Variants in MYO7B observed in about 807,000 individuals in gnomAD.
The protein encoded by MYO7B is unconventional myosin-VIIb.
MYO7B carries 212 observed loss-of-function variants against 259.7 expected under a neutral mutation model. The ratio of observed to expected loss-of-function variants is 0.82; its 90% CI spans 0.73 to 0.91. The LOEUF (loss-of-function observed/expected upper bound fraction) is 0.91. MYO7B is among the 40% of genes least tolerant of loss of function. MYO7B has a pLI of 0.00. For missense variants in MYO7B, 2,732 were observed against 2,813.5 expected (o/e 0.97, Z 0.66); for synonymous variants, 1,197 against 1,166.4 (o/e 1.03, Z -0.54).
rs190699169 is a variant in MYO7B, at chr2:127,632,260, G to A, written c.5264G>A (p.Arg1755Gln). The change falls in exon 39 of 48, where the codon CGG becomes CAG. Residue 1755 changes from arginine (R) to glutamine (Q), a missense_variant. Coordinates refer to ENST00000409816, the MANE Select transcript of MYO7B (RefSeq NM_001393586.1). ...CTACCCTTCAGGCACAGCGAAGAGC[G>A]GGGCTGGCAGCTGCTGTGGCTGTGC... ...THNSNRHSEE[R>Q]GWQLLWLCTG... The A allele has an allele frequency of 6.4e-3, 10,296 of 1,611,878 alleles. 47 individuals are homozygous for A. The highest frequency in any genetic ancestry group is 7.6e-3 in the Non-Finnish European group (9,010 of 1,179,518).
chr2:127,634,676 G>C lies in MYO7B; in HGVS notation c.5706G>C (p.Gln1902His). Residue 1902 changes from glutamine (Q) to histidine (H), a missense_variant, in exon 42 of 48, where the codon CAG becomes CAC. Gln to His is a conservative substitution (Grantham distance 24). Around this residue, in one of 3 missense-constraint regions of MYO7B, gnomAD observed 821 missense variants for 769.3 expected, o/e 1.07. Coordinates refer to ENST00000409816, the MANE Select transcript of MYO7B (RefSeq NM_001393586.1). The stretch of plus-strand genomic sequence containing the variant: ...ACTGGGTGAAGAAGAACAAGCCCCA[G>C]AAAGAAGGTGAGGAGGCCTCTGTGG... ...VSDWVKKNKP[Q>H]KEGAPVTLPY... 8 of 1,609,650 alleles carry C rather than the reference G, an allele frequency of 5.0e-6. No individual in the cohort carries two copies. The highest frequency in any genetic ancestry group is 6.8e-6 in the Non-Finnish European group (8 of 1,178,522).
intron 1 of MYO7B, among the ~76,000 whole-genome samples, chr2:127,545,789 G>A (rs6707186): frequency 0.12 from 18,369 of 152,246 alleles, 1,696 homozygotes; most frequent in East Asian, 0.24. Flanking sequence ...CCCGGTGAAC[G>A]CCCAGTAAGT....
At chr2:127,612,757 C>G (rs1475280980) in intron 26 of MYO7B, among the ~76,000 whole-genome samples, 154 bp downstream of exon 26, 1 of 152,190 alleles carries the variant, frequency 6.6e-6, no homozygotes, top group South Asian at 2.1e-4. Flanking sequence ...TCATAGCTAC[C>G]GAGGGTTCTC....
At chr2:127,565,893 G>C (rs1306745588) in intron 4 of MYO7B, among the ~76,000 whole-genome samples, 4 of 152,244 alleles carry the variant, frequency 2.6e-5, no homozygotes, top group Non-Finnish European at 5.9e-5. Context: ...TTCCAGGGGA[G>C]GTGGTATTCC....
chr2:127,596,928 C>T (rs1183588941), intron 19 of MYO7B, among the ~76,000 whole-genome samples: 1 of 152,220 alleles, frequency 6.6e-6, no homozygotes, highest in African/African-American at 2.4e-5. Flanking sequence ...GTTCCCTGGT[C>T]AGTAAGAGGG....
In MYO7B at chr2:127,539,866, G is replaced by A. The variant is rs1221506590; in HGVS notation, c.-24+4035G>A. Among the ~76,000 whole-genome samples the A allele has an allele frequency of 1.3e-5, 2 of 152,206 alleles. No individual in the cohort carries two copies. The highest frequency in any genetic ancestry group is 1.3e-4 in the Admixed American group (2 of 15,288). On this transcript the variant is annotated intron_variant, in intron 1 of 47. Transcript: ENST00000409816. This position sits in a 1 kb window ranked among gnomAD's most constrained non-coding sequence, Gnocchi z 4.0. The stretch of plus-strand genomic sequence containing the variant: ...CCCCCGAAAGTCCCCAAAGTCCATT[G>A]TATCGTTCTTACGCCTTTGCAGCCT...
rs982878744 is a variant in MYO7B, at chr2:127,590,350, C to A, written c.1992+121C>A. On this transcript the variant is annotated intron_variant, in intron 16 of 47. Coordinates refer to ENST00000409816, the MANE Select transcript of MYO7B (RefSeq NM_001393586.1). This position sits in a 1 kb window ranked among gnomAD's most constrained non-coding sequence, Gnocchi z 4.6. Reference sequence around the variant, plus strand: ...GCGTTAGAGCTGTTACTGCCCCTACCTTACAGATAAGTACACTGGGGTAAG... The same window carrying A: ...GCGTTAGAGCTGTTACTGCCCCTACATTACAGATAAGTACACTGGGGTAAG... 12 of 1,385,092 alleles carry A rather than the reference C, an allele frequency of 8.7e-6. No homozygotes were observed. The highest frequency in any genetic ancestry group is 2.4e-5 in the East Asian group (1 of 42,088). 85.8% of individuals were successfully genotyped at this position (1,385,092 alleles called of 1,614,324 possible). A position where few individuals can be genotyped will look rare whatever the true frequency, so the allele number is the denominator to read the frequency against.
chr2:127,583,421 A>C (rs1465845733), intron 12 of MYO7B, among the ~76,000 whole-genome samples: 1 of 152,208 alleles, frequency 6.6e-6, no homozygotes, highest in Non-Finnish European at 1.5e-5. Context: ...CAGGGCTGGC[A>C]GAACTTAGCC....
At chr2:127,634,756 G>C (rs148137114) in intron 42 of MYO7B, 73 bp downstream of exon 42, 1 of 1,319,526 alleles carries the variant, frequency 7.6e-7, no homozygotes, top group Non-Finnish European at 1.1e-6. Flanking sequence ...GCCTCTGTGC[G>C]GCCCATGCCC....
intron 15 of MYO7B, 116 bp from the exon 16 acceptor site, chr2:127,589,976 G>C: frequency 8.5e-7 from 1 of 1,183,006 alleles, no homozygotes; most frequent in African/African-American, 1.5e-5. Flanking sequence ...TCTTGAATAG[G>C]TAGATGCACC....
chr2:127,634,232 C>T lies in MYO7B; in HGVS notation c.5568C>T (p.Thr1856=), dbSNP rs374606008. 1.9e-6 allele frequency: 3 copies of T among 1,597,210 alleles called. No individual in the cohort carries two copies. Among genetic ancestry groups the T allele is most frequent in the Non-Finnish European group, 2.6e-6 (3 of 1,175,366 alleles). The change falls in exon 41 of 48, where the codon ACC becomes ACT. Residue 1856 remains threonine (T), a synonymous_variant. Transcript: ENST00000409816. ...RVRDVCDSIA[T]RLQLASWEGC... ...GGGATGTGTGTGACAGCATTGCCACCAGGCTGCAGCTGGCCTCCTGGGAGG... is the reference window on the plus strand; with the variant it reads ...GGGATGTGTGTGACAGCATTGCCACTAGGCTGCAGCTGGCCTCCTGGGAGG...
intron 5 of MYO7B, among the ~76,000 whole-genome samples, chr2:127,569,300 G>A (rs1391974734): frequency 1.3e-5 from 2 of 152,090 alleles, no homozygotes; most frequent in Admixed American, 6.5e-5. Context: ...AAAATTGGCC[G>A]GGAGTTGAAG....
chr2:127,540,970 T>C (rs1217012418), intron 1 of MYO7B, among the ~76,000 whole-genome samples: 1 of 152,202 alleles, frequency 6.6e-6, no homozygotes, highest in Non-Finnish European at 1.5e-5. Context: ...TAGGAAGTTT[T>C]CTCAGGTGCT....
At chr2:127,557,732 G>T (rs1313664765) in intron 1 of MYO7B, among the ~76,000 whole-genome samples, 3 of 152,138 alleles carry the variant, frequency 2.0e-5, no homozygotes, top group African/African-American at 7.2e-5. Flanking sequence ...AAACAAAAAC[G>T]TAAAGTGGGG....
In MYO7B at chr2:127,607,379, C is replaced by T; in HGVS notation, c.2598C>T (p.Ala866=). Residue 866 remains alanine, a synonymous_variant, in exon 21 of 48, where the codon GCC becomes GCT. Transcript: ENST00000409816. The surrounding 1 kb of genome is among the most constrained non-coding windows in gnomAD (Gnocchi z 4.4). Reference sequence around the variant, plus strand: ...CAGTGGTGGTCATTCAGGCCCATGCCAGGGGCATGGCTGCCCGGCGCAACT... The same window carrying T: ...CAGTGGTGGTCATTCAGGCCCATGCTAGGGGCATGGCTGCCCGGCGCAACT... ...RRAVVVIQAH[A]RGMAARRNFQ... 6.4e-7 allele frequency: 1 copy of T among 1,551,386 alleles called. No individual in the cohort carries two copies. The highest frequency in any genetic ancestry group is 8.7e-7 in the Non-Finnish European group (1 of 1,146,864).
rs1681688120 is a variant in MYO7B, at chr2:127,634,487, C to G, written c.5626-109C>G. ...GCCAATAGCCCACGCACAGCCGACT[C>G]CAGCGCAGCACCCAGGCCGTAGGCG... On this transcript the variant is annotated intron_variant, in intron 41 of 47. Transcript: ENST00000409816. The G allele has an allele frequency of 5.8e-6, 6 of 1,040,904 alleles. No individual in the cohort carries two copies. The East Asian group carries it at 1.6e-4, about 27-fold the overall frequency. The allele number at this position is 1,040,904 out of a possible 1,614,324, so 64.5% of individuals were successfully genotyped here.
intron 31 of MYO7B, chr2:127,625,883 C>CCCTG (rs1231948371): frequency 1.3e-5 from 3 of 236,790 alleles, no homozygotes; most frequent in Non-Finnish European, 2.4e-5. Context: ...TTGGGGGCCC[C>CCCTG]CCTGCCTGCC....
rs759960889 is a variant in MYO7B at position 127,574,043 on chromosome 2, A to T, written c.716A>T (p.Lys239Met). Reference sequence around the variant, plus strand: ...CGCATCGAGCAATTTCTCCTGGAGAAGTCCCGGGTCTGCCGGCAGGTGAGG... The same window carrying T: ...CGCATCGAGCAATTTCTCCTGGAGATGTCCCGGGTCTGCCGGCAGGTGAGG... ...GARIEQFLLE[K>M]SRVCRQAPEE... Residue 239 changes from lysine (K) to methionine (M), a missense_variant, in exon 7 of 48, where the codon AAG (lysine) becomes ATG (methionine). By Grantham distance (95) the Lys-to-Met change is moderately conservative (BLOSUM62 -1). Coordinates refer to ENST00000409816, the MANE Select transcript of MYO7B (RefSeq NM_001393586.1). 1 of 1,613,996 alleles carries T rather than the reference A, an allele frequency of 6.2e-7. No homozygotes were observed. The highest frequency in any genetic ancestry group is 8.5e-7 in the Non-Finnish European group (1 of 1,179,902).
rs187897008 is a variant in MYO7B at position 127,573,903 on chromosome 2, C to T, written c.593-17C>T. 3,715 of 1,613,964 alleles carry T rather than the reference C, an allele frequency of 2.3e-3. 10 individuals are homozygous for T. The highest frequency in any genetic ancestry group is 3.4e-3 in the Admixed American group (205 of 60,024). ...TCCTCTCTGCTCCCATCATGGGCAT[C>T]GCCCGCTTACCTTCAGCCTTTGGAA... On this transcript the variant is annotated splice_polypyrimidine_tract_variant and intron_variant, in intron 6 of 47. Coordinates refer to ENST00000409816, the MANE Select transcript of MYO7B (RefSeq NM_001393586.1).
Sources: gnomAD v4.1 joint callset for allele counts (sites outside exome capture counted in the v4.1 genomes callset) on GRCh38, gnomAD v4.1.1 for gene constraint, gnomAD v4.1.1 regional missense constraint, Gnocchi (gnomAD v3.1) non-coding constraint, MANE v1.5 for transcripts, NCBI Gene and HGNC (gene_info 2026-07-23, HGNC 2026-07-21) for gene names.